The following ACER3 variants were observed in gnomAD, a reference collection of about 807,000 sequenced individuals.
ACER3 encodes the protein alkCDase 3.
Under a neutral mutation model 48.9 loss-of-function variants are expected in ACER3, and 16 were observed. That is an observed-to-expected ratio of 0.33 (90% CI 0.22 to 0.50). ACER3 has a LOEUF of 0.50. Ranked by LOEUF, ACER3 falls within the 20% of genes least tolerant of loss-of-function variation. The pLI, the probability that ACER3 is intolerant of heterozygous loss-of-function variation, is 0.98. For missense variants in ACER3, 227 were observed against 326.0 expected (o/e 0.70, Z 2.34); for synonymous variants, 109 against 107.8 (o/e 1.01, Z -0.07).
chr11:76,882,367 T>G (rs1314586372), intron 1 of ACER3, among the ~76,000 whole-genome samples: 3 of 152,202 alleles, frequency 2.0e-5, no homozygotes, highest in African/African-American at 7.2e-5. Context: ...CCTATCTTTA[T>G]GTTGACTTAG....
intron 5 of ACER3, among the ~76,000 whole-genome samples, chr11:76,988,104 T>C (rs1948721887): frequency 6.6e-6 from 1 of 151,998 alleles, no homozygotes; most frequent in African/African-American, 2.4e-5. Flanking sequence ...AAGTGAAAAA[T>C]GGAAGAACAG....
At chr11:77,009,833 G>C (rs1949224601) in intron 7 of ACER3, among the ~76,000 whole-genome samples, 1 of 151,098 alleles carries the variant, frequency 6.6e-6, no homozygotes, top group Non-Finnish European at 1.5e-5. Flanking sequence ...GAGAGAGAGA[G>C]AGAGATTGTG....
intron 5 of ACER3, 111 bp from the exon 6 acceptor site, chr11:76,990,428 A>T (rs1382879929): frequency 1.3e-6 from 1 of 798,458 alleles, no homozygotes; most frequent in Non-Finnish European, 2.2e-6. Flanking sequence ...TTCAAGTCTG[A>T]GTAAGATGGG....
At chr11:76,915,619 A>G (rs1946506487) in intron 1 of ACER3, among the ~76,000 whole-genome samples, 1 of 152,170 alleles carries the variant, frequency 6.6e-6, no homozygotes, top group Non-Finnish European at 1.5e-5. Context: ...ATGCCTAACT[A>G]CCTGTAACAG....
At chr11:76,924,761 T>G (rs1946774531) in intron 1 of ACER3, among the ~76,000 whole-genome samples, 1 of 152,062 alleles carries the variant, frequency 6.6e-6, no homozygotes, top group Admixed American at 6.6e-5. Context: ...TAATGTGCAC[T>G]GCTAAGCCAG....
At chr11:76,865,939 C>T (rs1350564138) in intron 1 of ACER3, among the ~76,000 whole-genome samples, 4 of 151,506 alleles carry the variant, frequency 2.6e-5, no homozygotes, top group African/African-American at 9.7e-5. Context: ...AGCTCAGGCT[C>T]CCAAGTAGCT....
intron 2 of ACER3, among the ~76,000 whole-genome samples, chr11:76,951,463 G>A (rs10899332): frequency 0.57 from 86,817 of 152,018 alleles, 27,989 homozygotes; most frequent in Non-Finnish European, 0.74. Context: ...TGTCTGGAGA[G>A]CATTTGAGTT....
intron 7 of ACER3, among the ~76,000 whole-genome samples, chr11:77,000,468 G>T (rs1465980589): frequency 2.6e-5 from 4 of 152,116 alleles, no homozygotes; most frequent in Admixed American, 2.6e-4. Flanking sequence ...TTGGTGTCAA[G>T]TCTAAGAACT....
chr11:76,907,044 T>C (rs1170096167), intron 1 of ACER3, among the ~76,000 whole-genome samples: 2 of 152,240 alleles, frequency 1.3e-5, no homozygotes, highest in Admixed American at 6.5e-5. Flanking sequence ...TGGTGCAAAA[T>C]AGATACTTAA....
intron 2 of ACER3, among the ~76,000 whole-genome samples, chr11:76,946,055 G>A (rs1416424455): frequency 6.6e-6 from 1 of 152,192 alleles, no homozygotes; most frequent in African/African-American, 2.4e-5. Flanking sequence ...TGTGACCAGG[G>A]AGGGCAAGGC....
intron 1 of ACER3, among the ~76,000 whole-genome samples, chr11:76,877,614 T>C (rs9666315): frequency 0.6 from 90,426 of 151,764 alleles, 29,297 homozygotes; most frequent in Non-Finnish European, 0.74. Context: ...ATTAATCTTG[T>C]CAATCAGATG....
chr11:76,945,317 C>G (rs1248700721), intron 2 of ACER3, among the ~76,000 whole-genome samples: 1 of 152,090 alleles, frequency 6.6e-6, no homozygotes, highest in East Asian at 1.9e-4. Flanking sequence ...ATCTAAACAT[C>G]TGGTTTAGTA....
intron 3 of ACER3, among the ~76,000 whole-genome samples, chr11:76,973,839 GT>G (rs150654141): frequency 6.6e-6 from 1 of 152,086 alleles, no homozygotes. Context: ...TTATATCTGT[GT>G]TTTTGTCTAA....
chr11:76,947,833 T>TAC (rs1947516775), intron 2 of ACER3, among the ~76,000 whole-genome samples: 1 of 152,200 alleles, frequency 6.6e-6, no homozygotes, highest in African/African-American at 2.4e-5. Context: ...GAAGTATGAT[T>TAC]TTCAGATAAC....
chr11:76,912,199 A>G (rs768824243), intron 1 of ACER3, among the ~76,000 whole-genome samples: 6 of 152,142 alleles, frequency 3.9e-5, no homozygotes, highest in Non-Finnish European at 7.4e-5. Flanking sequence ...CTTAGAAGAA[A>G]ACATAGTGAC....
intron 3 of ACER3, among the ~76,000 whole-genome samples, chr11:76,968,100 G>C (rs890995796): frequency 3.0e-4 from 45 of 152,030 alleles, no homozygotes; most frequent in Non-Finnish European, 5.9e-4. Context: ...AAAGTCTCAG[G>C]ATACAAAATC....
intron 5 of ACER3, among the ~76,000 whole-genome samples, chr11:76,988,000 A>G (rs1591035832): frequency 2.0e-5 from 3 of 152,338 alleles, no homozygotes; most frequent in Admixed American, 2.0e-4. Context: ...GACTAGGTGG[A>G]AGAAATGGAG....
chr11:76,876,740 G>A (rs1261464207), intron 1 of ACER3, among the ~76,000 whole-genome samples: 1 of 152,078 alleles, frequency 6.6e-6, no homozygotes, highest in Non-Finnish European at 1.5e-5. Context: ...GTGGATGTGT[G>A]GTTGTATCTC....
chr11:77,019,212 G>C (rs189885550), intron 9 of ACER3, among the ~76,000 whole-genome samples: 129 of 152,320 alleles, frequency 8.5e-4, no homozygotes, highest in African/African-American at 2.9e-3. Context: ...TGTAATCCCA[G>C]CACTTTGGGA....
Sources: gnomAD v4.1 joint callset for allele counts (sites outside exome capture counted in the v4.1 genomes callset) on GRCh38, gnomAD v4.1.1 for gene constraint, MANE v1.5 for transcripts, NCBI Gene and HGNC (gene_info 2026-07-23, HGNC 2026-07-21) for gene names.